Variants in CEP83 observed in about 807,000 individuals in gnomAD.
CEP83 encodes the protein centrosomal protein of 83 kDa.
Under a neutral mutation model 101.9 loss-of-function variants are expected in CEP83, and 70 were observed. That is an observed-to-expected ratio of 0.69 (90% CI 0.57 to 0.84). The LOEUF (loss-of-function observed/expected upper bound fraction) is 0.84, where lower values mean the gene tolerates loss of function less well. CEP83 is among the 40% of genes least tolerant of loss of function. CEP83 has a pLI of 0.00. For missense variants in CEP83, 715 were observed against 787.2 expected, an observed-to-expected ratio of 0.91 and a Z score of 1.10; for synonymous variants, 264 against 267.9, an observed-to-expected ratio of 0.99 and a Z score of 0.14.
intron 14 of CEP83, among the ~76,000 whole-genome samples, chr12:94,313,732 G>A (rs182385448): frequency 5.6e-4 from 85 of 152,208 alleles, no homozygotes; most frequent in Middle Eastern, 3.4e-3. Flanking sequence ...AGCTACTCAG[G>A]AGGCTGAGGC....
At chr12:94,284,601 T>C in the CEP83 span, among the ~76,000 whole-genome samples, 6 of 151,964 alleles carry the variant, frequency 3.9e-5, no homozygotes, top group Non-Finnish European at 7.4e-5. Flanking sequence ...TCCTACGAGA[T>C]AGGTACTATT....
chr12:94,422,917 A>G (rs933306146), intron 2 of CEP83, among the ~76,000 whole-genome samples: 12 of 152,200 alleles, frequency 7.9e-5, no homozygotes, highest in African/African-American at 2.9e-4. Flanking sequence ...ATTCTTGTAC[A>G]AGACTTTCTG....
At chr12:94,411,512 G>C (rs185452979) in intron 4 of CEP83, among the ~76,000 whole-genome samples, 185 bp downstream of exon 4, 1 of 151,978 alleles carries the variant, frequency 6.6e-6, no homozygotes, top group East Asian at 1.9e-4. Context: ...CAGTTTCATG[G>C]CTCCCTTACA....
At chr12:94,294,373 T>C in the CEP83 span, 3 of 590,196 alleles carry the variant, frequency 5.1e-6, no homozygotes, top group Non-Finnish European at 6.3e-6. Context: ...TTGATAAATA[T>C]TTGATTTAAT....
intron 6 of CEP83, among the ~76,000 whole-genome samples, chr12:94,379,951 T>C (rs912759189): frequency 4.6e-5 from 7 of 151,498 alleles, no homozygotes; most frequent in African/African-American, 1.7e-4. Context: ...CTTAAGTAAA[T>C]GATTCAGCTG....
chr12:94,451,444 GA>G (rs1423379166), intron 1 of CEP83, among the ~76,000 whole-genome samples: 1 of 114,114 alleles, frequency 8.8e-6, no homozygotes, highest in Non-Finnish European at 1.7e-5. Flanking sequence ...CATATATAAA[GA>G]ACTCTTACAA....
In CEP83 at chr12:94,412,374, C is replaced by G. The variant is rs772413915; in HGVS notation, c.117G>C (p.Arg39Ser). ...TAGCTTTATGATGCTCACATCGTAA[C>G]CTTTCATCAATTAACATTTTCTGGA... is the stretch of plus-strand genomic sequence containing the variant. Reference protein sequence around the residue: ...SEFQKMLIDERLRCEHHKANY... With the variant: ...SEFQKMLIDESLRCEHHKANY... Residue 39 changes from arginine (R) to serine (S), a missense_variant, in exon 3 of 17, where the codon AGG becomes AGC. Transcript: ENST00000397809. 6 of 1,613,116 alleles carry G rather than the reference C, an allele frequency of 3.7e-6. No individual in the cohort carries two copies. Among genetic ancestry groups the G allele is most frequent in the Admixed American group, 1.7e-5 (1 of 59,906 alleles).
chr12:94,303,050 T>A (rs1405267410), downstream of CEP83, among the ~76,000 whole-genome samples: 1 of 152,190 alleles, frequency 6.6e-6, no homozygotes, highest in Non-Finnish European at 1.5e-5. Context: ...AACTTACCTA[T>A]CTTCCCTGAG....
At chr12:94,347,426 A>C (rs2059992401) in intron 11 of CEP83, among the ~76,000 whole-genome samples, 1 of 152,210 alleles carries the variant, frequency 6.6e-6, no homozygotes, top group African/African-American at 2.4e-5. Flanking sequence ...ATGTAAAACA[A>C]ACAAAATCCT....
At chr12:94,301,424 C>T in the CEP83 span, among the ~76,000 whole-genome samples, 23 of 152,062 alleles carry the variant, frequency 1.5e-4, no homozygotes, top group Admixed American at 1.4e-3. Context: ...ACATAAAATG[C>T]CTATTTGAAT....
intron 14 of CEP83, among the ~76,000 whole-genome samples, chr12:94,319,470 T>C (rs975315415): frequency 6.6e-6 from 1 of 152,170 alleles, no homozygotes; most frequent in African/African-American, 2.4e-5. Context: ...TGCTGCTAGG[T>C]TGCTGATATC....
intron 11 of CEP83, among the ~76,000 whole-genome samples, chr12:94,349,024 A>T (rs879506822): frequency 2.0e-5 from 3 of 152,074 alleles, no homozygotes; most frequent in Non-Finnish European, 4.4e-5. Flanking sequence ...GGTGGCTCAC[A>T]CTTGTAATCC....
intron 11 of CEP83, among the ~76,000 whole-genome samples, chr12:94,342,406 A>G (rs1041225835): frequency 1.4e-4 from 22 of 152,214 alleles, no homozygotes; most frequent in African/African-American, 5.3e-4. Context: ...CAGAAAAAGC[A>G]AAGAGAACAA....
intron 2 of CEP83, among the ~76,000 whole-genome samples, chr12:94,427,952 C>T (rs2065334867): frequency 6.6e-6 from 1 of 152,046 alleles, no homozygotes; most frequent in Non-Finnish European, 1.5e-5. Context: ...GGGAGCAGAC[C>T]CTTCAAAGCC....
downstream of CEP83, chr12:94,305,864 T>C (rs947552368): frequency 2.0e-5 from 3 of 152,168 alleles, no homozygotes; most frequent in Non-Finnish European, 2.9e-5. Flanking sequence ...AAACTAACAG[T>C]GTTGCAACAT....
the CEP83 span, among the ~76,000 whole-genome samples, chr12:94,287,874 A>G: frequency 6.6e-6 from 1 of 152,254 alleles, no homozygotes; most frequent in African/African-American, 2.4e-5. Flanking sequence ...GGCTTTGACC[A>G]ACAGCAGCTC....
chr12:94,343,481 T>C (rs1397394174), intron 11 of CEP83, among the ~76,000 whole-genome samples: 1 of 97,762 alleles, frequency 1.0e-5, no homozygotes, highest in Non-Finnish European at 2.2e-5. Context: ...TTTTTTTTTT[T>C]TTTTTTTTTT....
chr12:94,289,197 GCTC>G, the CEP83 span, among the ~76,000 whole-genome samples: 1 of 152,168 alleles, frequency 6.6e-6, no homozygotes, highest in Admixed American at 6.5e-5. Context: ...AGGATGTGTA[GCTC>G]CTGTTTATTT....
At chr12:94,387,335 T>C (rs893172593) in intron 6 of CEP83, among the ~76,000 whole-genome samples, 9 of 152,152 alleles carry the variant, frequency 5.9e-5, no homozygotes. Context: ...TAGATTCTCA[T>C]AGTGGTGTGA....
Sources: allele counts gnomAD v4.1 joint callset (sites outside exome capture counted in the v4.1 genomes callset), GRCh38; gene constraint gnomAD v4.1.1; transcripts MANE v1.5; gene names NCBI Gene and HGNC (gene_info 2026-07-23, HGNC 2026-07-21).